Variants in GLB1L3 observed in about 807,000 individuals in gnomAD.
The protein encoded by GLB1L3 is beta-galactosidase-1-like protein 3.
GLB1L3 carries 89 observed loss-of-function variants against 89.5 expected under a neutral mutation model. The ratio of observed to expected loss-of-function variants is 0.99; its 90% CI spans 0.84 to 1.19. GLB1L3 has a LOEUF of 1.19. GLB1L3 is among the 50% of genes most tolerant of loss of function. The pLI is 0.00. For missense variants in GLB1L3, 812 were observed against 813.3 expected (o/e 1.00, Z 0.02); for synonymous variants, 314 against 312.3 (o/e 1.01, Z -0.06).
intron 15 of GLB1L3, 47 bp from the exon 16 acceptor site, chr11:134,313,349 C>T (rs375414264): frequency 1.0e-4 from 146 of 1,462,184 alleles, no homozygotes; most frequent in Non-Finnish European, 1.3e-4. Context: ...GTCGGGTAGA[C>T]GCCCTCCATG....
intron 9 of GLB1L3, chr11:134,305,014 T>A: frequency 7.4e-7 from 1 of 1,355,380 alleles, no homozygotes; most frequent in Non-Finnish European, 1.0e-6. Flanking sequence ...TAACAATGTA[T>A]CTTAGTGGCA....
At chr11:134,296,027 A>T (rs576194043) in intron 9 of GLB1L3, among the ~76,000 whole-genome samples, 6 of 152,320 alleles carry the variant, frequency 3.9e-5, no homozygotes, top group African/African-American at 1.4e-4. Flanking sequence ...TTCATGGATC[A>T]TAATATGGTC....
chr11:134,293,221 C>T lies in GLB1L3; in HGVS notation c.876+12C>T. Reference sequence around the variant, plus strand: ...TTCATAAAGTCCAGGTAAGACATTTCAGACAGGCAGGGTTTTACAGCTCCT... The same window carrying T: ...TTCATAAAGTCCAGGTAAGACATTTTAGACAGGCAGGGTTTTACAGCTCCT... On this transcript the variant is annotated intron_variant, in intron 9 of 19. Transcript: ENST00000431683. 2 of 1,610,278 alleles carry T rather than the reference C, an allele frequency of 1.2e-6. No individual in the cohort carries two copies. The highest frequency in any genetic ancestry group is 1.7e-6 in the Non-Finnish European group (2 of 1,176,690).
intron 6 of GLB1L3, among the ~76,000 whole-genome samples, chr11:134,287,681 C>T (rs1941097654): frequency 6.6e-6 from 1 of 152,216 alleles, no homozygotes; most frequent in Non-Finnish European, 1.5e-5. Flanking sequence ...CCTGTGTGGT[C>T]ACTGCTGGGT....
chr11:134,318,576 T>A, intron 18 of GLB1L3, 55 bp from the exon 19 acceptor site: 1 of 1,097,642 alleles, frequency 9.1e-7, no homozygotes, highest in Non-Finnish European at 1.4e-6. Flanking sequence ...GTGCCTTAGG[T>A]TTTACCTTGC....
chr11:134,291,889 G>A (rs1453367164), intron 7 of GLB1L3, among the ~76,000 whole-genome samples: 1 of 152,130 alleles, frequency 6.6e-6, no homozygotes, highest in Non-Finnish European at 1.5e-5. Flanking sequence ...GTGGTAAGAT[G>A]GCTTGAATCC....
intron 10 of GLB1L3, among the ~76,000 whole-genome samples, chr11:134,308,673 CCAA>C (rs1555080631): frequency 6.6e-6 from 1 of 150,432 alleles, no homozygotes; most frequent in Admixed American, 6.6e-5. Flanking sequence ...ACCACCACCA[CCAA>C]CACCACCACC....
intron 18 of GLB1L3, among the ~76,000 whole-genome samples, chr11:134,316,184 A>G (rs1040751384): frequency 2.0e-5 from 3 of 151,016 alleles, no homozygotes; most frequent in African/African-American, 4.9e-5. Flanking sequence ...GGATTTGCCT[A>G]TATTGGAAAT....
chr11:134,312,618 A>G, intron 14 of GLB1L3, 129 bp downstream of exon 14: 1 of 1,225,408 alleles, frequency 8.2e-7, no homozygotes. Context: ...TTGGGACTAA[A>G]AAGTCAGGCC....
rs1942772484 is a variant in GLB1L3, at chr11:134,312,346, T to C, written c.1288-3T>C. ...CTTCTGCTCTTGCCATTTCTCCTCATAGCCAGTCAGGTCGCGTCAGCCCGT... is the reference window on the plus strand; with the variant it reads ...CTTCTGCTCTTGCCATTTCTCCTCACAGCCAGTCAGGTCGCGTCAGCCCGT... On this transcript the variant is annotated splice_region_variant and splice_polypyrimidine_tract_variant and intron_variant, in intron 13 of 19. Transcript: ENST00000431683. 1.9e-6 allele frequency: 3 copies of C among 1,613,238 alleles called. No homozygotes were observed. The highest frequency in any genetic ancestry group is 2.5e-6 in the Non-Finnish European group (3 of 1,179,790).
chr11:134,310,632 A>T lies in GLB1L3; in HGVS notation c.1161A>T (p.Lys387Asn), dbSNP rs1942680963. Residue 387 changes from lysine (K) to asparagine (N), a missense_variant, in exon 12 of 20, where the codon AAA becomes AAT. Lys to Asn is a moderately conservative substitution (Grantham distance 94, BLOSUM62 0). Around this residue, in one of 3 missense-constraint regions of GLB1L3, gnomAD observed 618 missense variants for 604.0 expected, o/e 1.02. Transcript: ENST00000431683. ...DYTEKYLKLQ[K>N]LFQSVSATPL... ...CAGAAAAATATCTGAAGCTTCAAAA[A>T]CTCTTTCAATCTGTCTCAGGTACTC... 1 of 1,611,976 alleles carries T rather than the reference A, an allele frequency of 6.2e-7. No individual in the cohort carries two copies. Among genetic ancestry groups the T allele is most frequent in the Non-Finnish European group, 8.5e-7 (1 of 1,179,014 alleles).
At chr11:134,307,272 A>G in intron 10 of GLB1L3, 64 bp downstream of exon 10, 2 of 1,170,400 alleles carry the variant, frequency 1.7e-6, no homozygotes, top group Non-Finnish European at 2.5e-6. Flanking sequence ...GAACTCATTC[A>G]TACAGTTCTC....
chr11:134,283,584 C>G (rs764308327), intron 5 of GLB1L3, among the ~76,000 whole-genome samples, 153 bp from the exon 6 acceptor site: 1 of 152,152 alleles, frequency 6.6e-6, no homozygotes, highest in Non-Finnish European at 1.5e-5. Context: ...GAAAGTCTCA[C>G]GCGGCACAGA....
downstream of GLB1L3, among the ~76,000 whole-genome samples, chr11:134,322,668 A>G (rs1353085626): frequency 6.6e-6 from 1 of 152,174 alleles, no homozygotes; most frequent in African/African-American, 2.4e-5. Context: ...GTGGAATCGA[A>G]TATGTGACCC....
At chr11:134,318,166 A>G (rs1943059968) in intron 18 of GLB1L3, among the ~76,000 whole-genome samples, 1 of 152,170 alleles carries the variant, frequency 6.6e-6, no homozygotes, top group Admixed American at 6.5e-5. Context: ...GTTTTGTTAT[A>G]TCCCAGAATA....
chr11:134,286,758 C>T (rs1941019253), intron 6 of GLB1L3, among the ~76,000 whole-genome samples: 1 of 150,818 alleles, frequency 6.6e-6, no homozygotes, highest in South Asian at 2.1e-4. Context: ...GCCTGGGCGA[C>T]AGAGCGAGAC....
At chr11:134,314,529 A>G in intron 18 of GLB1L3, 88 bp downstream of exon 18, 1 of 806,974 alleles carries the variant, frequency 1.2e-6, no homozygotes, top group Non-Finnish European at 2.1e-6. Context: ...TCCTGGAGGA[A>G]TACTTCCCTT....
rs1941397466 is a variant in GLB1L3, at chr11:134,292,194, G to A, written c.792G>A (p.Leu264=). ...LLTSDGEKHV[L]SGHTKGVLAA... The stretch of plus-strand genomic sequence containing the variant: ...CCTCTGATGGTGAGAAACATGTGCT[G>A]AGTGGCCACACCAAAGGAGGTACAC... Residue 264 remains leucine (L), a synonymous_variant, in exon 8 of 20, where the codon CTG becomes CTA. Transcript: ENST00000431683. 1.2e-6 allele frequency: 2 copies of A among 1,612,916 alleles called. No individual in the cohort carries two copies. The highest frequency in any genetic ancestry group is 1.3e-5 in the African/African-American group (1 of 74,894).
rs758639790 is a variant in GLB1L3, at chr11:134,292,141, A to AG, written c.740dup (p.Arg248LysfsTer11). 1.2e-6 allele frequency: 2 copies of AG among 1,613,362 alleles called. No individual in the cohort carries two copies. Among genetic ancestry groups the AG allele is most frequent in the African/African-American group, 2.7e-5 (2 of 74,910 alleles). On this transcript the variant is annotated frameshift_variant, in exon 8 of 20. Coordinates refer to ENST00000431683, the MANE Select transcript of GLB1L3 (RefSeq NM_001080407.3). LOFTEE classifies it high-confidence loss of function. ...TTAATTTTCTCAACAGGCCCTGCTG[A>AG]GAAGAGGGATTGTGGAGCTTCTCTT...
Sources: gnomAD v4.1 joint callset for allele counts (sites outside exome capture counted in the v4.1 genomes callset) on GRCh38, gnomAD v4.1.1 for gene constraint, gnomAD v4.1.1 regional missense constraint, MANE v1.5 for transcripts, NCBI Gene and HGNC (gene_info 2026-07-23, HGNC 2026-07-21) for gene names.